Variants in PARD3 observed in about 807,000 individuals in gnomAD.
PARD3 encodes par-3 family cell polarity regulator.
PARD3 carries 75 observed loss-of-function variants against 155.4 expected under a neutral mutation model. The observed-to-expected ratio is 0.48, with a 90% CI of 0.40 to 0.58. The LOEUF (loss-of-function observed/expected upper bound fraction) is 0.58, where lower values mean the gene tolerates loss of function less well. Ranked by LOEUF, PARD3 falls within the 20% of genes least tolerant of loss-of-function variation. The probability of loss-of-function intolerance (pLI) is 0.00; values close to 1 mark genes in which losing one functional copy is unlikely to be tolerated. For missense variants in PARD3, 1,642 were observed against 1,721.7 expected (o/e 0.95, Z 0.82); for synonymous variants, 576 against 610.5 (o/e 0.94, Z 0.83).
In PARD3 at chr10:34,347,996, G is replaced by A; in HGVS notation, c.2187C>T (p.Pro729=). 6.2e-7 allele frequency: 1 copy of A among 1,613,312 alleles called. No individual in the cohort carries two copies. Among genetic ancestry groups the A allele is most frequent in the South Asian group, 1.1e-5 (1 of 90,828 alleles). Residue 729 remains proline (P), a synonymous_variant, in exon 15 of 25, where the codon CCC becomes CCT. Transcript: ENST00000374788. ...TCCTACTGAGGGCAGCATTTCTGCT[G>A]GGCGATTCATCAAGCCCCTCAATCC... ...YSGIEGLDES[P]SRNAALSRIM... is the part of the protein sequence containing the mutation.
chr10:34,479,682 T>C (rs1052124900), intron 3 of PARD3, among the ~76,000 whole-genome samples: 1 of 152,152 alleles, frequency 6.6e-6, no homozygotes, highest in Admixed American at 6.6e-5. Flanking sequence ...AGTAGACAAC[T>C]GCATGGCGCA....
chr10:34,704,842 T>A (rs1049390883), intron 1 of PARD3, among the ~76,000 whole-genome samples: 3 of 152,206 alleles, frequency 2.0e-5, no homozygotes, highest in Non-Finnish European at 2.9e-5. Flanking sequence ...ATTAGCCACA[T>A]GATAGTTAAG....
intron 1 of PARD3, among the ~76,000 whole-genome samples, chr10:34,759,279 T>A (rs1837137159): frequency 6.6e-6 from 1 of 151,926 alleles, no homozygotes; most frequent in Non-Finnish European, 1.5e-5. Context: ...CACGTGTAAA[T>A]CTTTAAACTT....
chr10:34,449,334 G>A (rs1335000806), intron 5 of PARD3, among the ~76,000 whole-genome samples: 1 of 150,634 alleles, frequency 6.6e-6, no homozygotes, highest in Non-Finnish European at 1.5e-5. Flanking sequence ...AATAAAGCTG[G>A]AAGAAAGCAC....
At chr10:34,379,691 A>G (rs889174342) in intron 9 of PARD3, among the ~76,000 whole-genome samples, 8 of 152,124 alleles carry the variant, frequency 5.3e-5, no homozygotes, top group Admixed American at 1.3e-4. Flanking sequence ...AGATAAGTAG[A>G]TATCAATTTT....
chr10:34,236,225 T>C (rs533092249), intron 22 of PARD3, among the ~76,000 whole-genome samples: 9 of 152,310 alleles, frequency 5.9e-5, no homozygotes, highest in African/African-American at 2.2e-4. Flanking sequence ...CTACACAGCC[T>C]ACTGTCTGTC....
At chr10:34,225,924 G>A (rs1351923160) in intron 22 of PARD3, among the ~76,000 whole-genome samples, 1 of 152,018 alleles carries the variant, frequency 6.6e-6, no homozygotes, top group East Asian at 1.9e-4. Flanking sequence ...TACTTCAAAA[G>A]ACAACAGTAA....
intron 22 of PARD3, among the ~76,000 whole-genome samples, chr10:34,184,180 C>T (rs1196998959): frequency 2.0e-5 from 3 of 152,150 alleles, no homozygotes; most frequent in Non-Finnish European, 4.4e-5. Flanking sequence ...AGGTTTCCGA[C>T]CAAGTATAAG....
chr10:34,319,908 T>C (rs2134151977), intron 19 of PARD3, among the ~76,000 whole-genome samples: 1 of 152,296 alleles, frequency 6.6e-6, no homozygotes, highest in African/African-American at 2.4e-5. Flanking sequence ...CCTAGGTCTA[T>C]TGGTATACTC....
chr10:34,237,878 C>T (rs1439169615), intron 22 of PARD3, among the ~76,000 whole-genome samples: 1 of 152,078 alleles, frequency 6.6e-6, no homozygotes, highest in African/African-American at 2.4e-5. Flanking sequence ...GGTGTTTCAT[C>T]AGGCCAAATG....
At position 34,345,557 on chromosome 10, in the gene PARD3, A is replaced by G. The variant is rs774667234; in HGVS notation, c.2218+2408T>C. ...AATCATTAACCAAACAGTCTGAGGA[A>G]TATCTATGCGCCTAGATACTGTGCA... On this transcript the variant is annotated intron_variant, in intron 15 of 24. Transcript: ENST00000374788. The G allele has an allele frequency of 2.2e-4, 216 of 984,932 alleles. 1 individual carries two copies. Among genetic ancestry groups the G allele is most frequent in the African/African-American group, 4.9e-4 (28 of 57,220 alleles). The allele number at this position is 984,932 out of a possible 1,614,324, so 61.0% of individuals were successfully genotyped here. A position where few individuals can be genotyped will look rare whatever the true frequency, so the allele number is the denominator to read the frequency against.
intron 2 of PARD3, among the ~76,000 whole-genome samples, chr10:34,577,852 T>TC (rs1170625478): frequency 6.8e-6 from 1 of 146,380 alleles, no homozygotes; most frequent in African/African-American, 2.5e-5. Flanking sequence ...AGAATAAACT[T>TC]TTTTTTTTTT....
intron 3 of PARD3, among the ~76,000 whole-genome samples, chr10:34,475,973 G>A (rs1490340604): frequency 1.3e-5 from 2 of 152,012 alleles, no homozygotes; most frequent in Non-Finnish European, 2.9e-5. Context: ...TCAAGCCTTC[G>A]CATAAAAGTA....
intron 22 of PARD3, among the ~76,000 whole-genome samples, chr10:34,161,379 G>T (rs990708921): frequency 5.3e-5 from 8 of 152,116 alleles, no homozygotes; most frequent in Middle Eastern, 3.4e-3. Context: ...TATTTTAACA[G>T]TGTACAGTAA....
At chr10:34,331,401 GA>G in intron 18 of PARD3, 57 bp from the exon 19 acceptor site, 1 of 1,110,568 alleles carries the variant, frequency 9.0e-7, no homozygotes, top group Non-Finnish European at 1.4e-6. Context: ...TTATGTACCT[GA>G]ATATGCACTG....
intron 3 of PARD3, among the ~76,000 whole-genome samples, chr10:34,477,284 GATTT>G (rs1226022301): frequency 6.6e-6 from 1 of 152,086 alleles, no homozygotes; most frequent in Non-Finnish European, 1.5e-5. Context: ...ATAATCTTCT[GATTT>G]ATTTAATATA....
intron 4 of PARD3, among the ~76,000 whole-genome samples, chr10:34,454,854 T>G (rs1260670632): frequency 1.3e-5 from 2 of 152,224 alleles, no homozygotes; most frequent in African/African-American, 2.4e-5. Flanking sequence ...ATTAATTTGC[T>G]GCTCCCTGGT....
intron 22 of PARD3, among the ~76,000 whole-genome samples, chr10:34,172,749 C>CAAAAAAAAAAA (rs1407885538): frequency 9.0e-6 from 1 of 111,680 alleles, no homozygotes; most frequent in Non-Finnish European, 2.0e-5. Context: ...AAAAAAACAA[C>CAAAAAAAAAAA]AAAAAAAAAA....
intron 12 of PARD3, among the ~76,000 whole-genome samples, chr10:34,369,771 C>T (rs1329302516): frequency 1.3e-5 from 2 of 152,128 alleles, no homozygotes; most frequent in Non-Finnish European, 2.9e-5. Flanking sequence ...TGAAAGTGAG[C>T]ATTGGACTTG....
Sources: gnomAD v4.1 joint callset for allele counts (sites outside exome capture counted in the v4.1 genomes callset) on GRCh38, gnomAD v4.1.1 for gene constraint, MANE v1.5 for transcripts, NCBI Gene and HGNC (gene_info 2026-07-23, HGNC 2026-07-21) for gene names.